Variants in NCOA3 observed in about 807,000 individuals in gnomAD.
NCOA3 encodes nuclear receptor coactivator 3.
NCOA3 carries 51 observed loss-of-function variants against 158.8 expected under a neutral mutation model. The observed-to-expected ratio is 0.32, with a 90% CI of 0.26 to 0.41. The LOEUF is 0.41. NCOA3 is among the 10% of genes least tolerant of loss of function. The pLI, the probability that NCOA3 is intolerant of heterozygous loss-of-function variation, is 1.00. For missense variants in NCOA3, 1,510 were observed against 1,746.6 expected, an observed-to-expected ratio of 0.86 and a Z score of 2.41; for synonymous variants, 537 against 592.4, an observed-to-expected ratio of 0.91 and a Z score of 1.36.
At chr20:47,647,914 G>GTTTTT (rs1445300112) in intron 18 of NCOA3, among the ~76,000 whole-genome samples, 16 of 126,032 alleles carry the variant, frequency 1.3e-4, no homozygotes, top group East Asian at 6.7e-4. Flanking sequence ...TGTTTGTTTT[G>GTTTTT]TTTTGTTTTT....
At chr20:47,557,505 G>A (rs1410889961) in intron 1 of NCOA3, among the ~76,000 whole-genome samples, 1 of 152,188 alleles carries the variant, frequency 6.6e-6, no homozygotes, top group African/African-American at 2.4e-5. Flanking sequence ...CCACCTGTCT[G>A]ATTCCAAAGT....
intron 1 of NCOA3, among the ~76,000 whole-genome samples, chr20:47,575,440 C>T (rs1045963967): frequency 6.6e-6 from 1 of 152,086 alleles, no homozygotes; most frequent in Non-Finnish European, 1.5e-5. Context: ...GGAATTGTTA[C>T]TAGAAAATTA....
At chr20:47,505,629 C>T (rs1187837375) in intron 1 of NCOA3, among the ~76,000 whole-genome samples, 1 of 151,994 alleles carries the variant, frequency 6.6e-6, no homozygotes, top group Non-Finnish European at 1.5e-5. Context: ...TTTTGCATTA[C>T]TGAGCGGTTA....
At position 47,651,002 on chromosome 20, in the gene NCOA3, A is replaced by G. The variant is rs1382796968; in HGVS notation, c.3672A>G (p.Gln1224=). The change falls in exon 20 of 23, where the codon CAA becomes CAG. Residue 1224 remains glutamine (Q), a synonymous_variant. Transcript: ENST00000371998. ...VSSQQGFLNA[Q]MVAQRSRELL... The stretch of plus-strand genomic sequence containing the variant: ...ATTAGCAGGGTTTTCTTAATGCTCA[A>G]ATGGTCGCCCAACGCAGCAGAGAGC... 4.3e-6 allele frequency: 7 copies of G among 1,613,866 alleles called. No individual in the cohort carries two copies. Among genetic ancestry groups the G allele is most frequent in the African/African-American group, 1.3e-5 (1 of 74,994 alleles).
chr20:47,572,156 G>A (rs2085304535), intron 1 of NCOA3, among the ~76,000 whole-genome samples: 1 of 152,134 alleles, frequency 6.6e-6, no homozygotes, highest in Non-Finnish European at 1.5e-5. Flanking sequence ...GTCTTGCTTT[G>A]GCTTATGGAA....
intron 8 of NCOA3, among the ~76,000 whole-genome samples, chr20:47,632,991 T>C (rs2086447446): frequency 6.6e-6 from 1 of 152,136 alleles, no homozygotes; most frequent in South Asian, 2.1e-4. Flanking sequence ...AAGAGTTTTT[T>C]ATAGAATTTA....
At chr20:47,544,511 T>A (rs933860473) in intron 1 of NCOA3, among the ~76,000 whole-genome samples, 1 of 151,976 alleles carries the variant, frequency 6.6e-6, no homozygotes, top group Non-Finnish European at 1.5e-5. Flanking sequence ...TTATGAAGTT[T>A]GTATTTTGTT....
At chr20:47,538,217 C>A (rs1250856432) in intron 1 of NCOA3, among the ~76,000 whole-genome samples, 1 of 152,154 alleles carries the variant, frequency 6.6e-6, no homozygotes, top group South Asian at 2.1e-4. Flanking sequence ...GGGAAAAAAA[C>A]CCAAGATGAT....
intron 2 of NCOA3, among the ~76,000 whole-genome samples, chr20:47,604,102 C>G (rs1048372881): frequency 6.6e-6 from 1 of 151,470 alleles, no homozygotes. Context: ...GGCCAAATTC[C>G]ATTTTTCTTA....
chr20:47,633,916 G>A lies in NCOA3; in HGVS notation c.965-132G>A, dbSNP rs1196971030. The A allele has an allele frequency of 8.3e-6, 10 of 1,204,682 alleles. No individual in the cohort carries two copies. In the East Asian group the frequency reaches 2.4e-4, roughly 28 times the overall value. 74.6% of individuals were successfully genotyped at this position (1,204,682 alleles called of 1,614,324 possible). ...AGTGTTCTTATTTTACCCTGTTGAT[G>A]ATTTTGGTGCAGATCCAGTCTTTCC... On this transcript the variant is annotated intron_variant, in intron 9 of 22. Transcript: ENST00000371998.
At chr20:47,572,907 CA>C (rs2085316398) in intron 1 of NCOA3, among the ~76,000 whole-genome samples, 1 of 152,068 alleles carries the variant, frequency 6.6e-6, no homozygotes, top group Non-Finnish European at 1.5e-5. Context: ...ACTTAGAGAC[CA>C]CTATAGGGTT....
At chr20:47,650,957 A>G (rs1263226179) in intron 19 of NCOA3, 25 bp from the exon 20 acceptor site, 2 of 1,606,908 alleles carry the variant, frequency 1.2e-6, no homozygotes, top group Admixed American at 1.7e-5. Flanking sequence ...ATATATATGT[A>G]ATTGCACTCT....
rs777591313 is a variant in NCOA3 at position 47,648,986 on chromosome 20, C to T, written c.3547-19C>T. The T allele has an allele frequency of 9.7e-6, 15 of 1,552,330 alleles. No individual in the cohort carries two copies. The highest frequency in any genetic ancestry group is 7.9e-5 in the South Asian group (7 of 88,822). On this transcript the variant is annotated intron_variant, in intron 18 of 22. Coordinates refer to ENST00000371998, the MANE Select transcript of NCOA3 (RefSeq NM_181659.3). Reference sequence around the variant, plus strand: ...CTGACGTGCTCTGCTTGCATTCTAACCAACTTGTCTCACCTCAGTTTTTGA... The same window carrying T: ...CTGACGTGCTCTGCTTGCATTCTAATCAACTTGTCTCACCTCAGTTTTTGA...
intron 1 of NCOA3, among the ~76,000 whole-genome samples, chr20:47,511,254 T>TC (rs1309256569): frequency 1.4e-5 from 2 of 146,592 alleles, no homozygotes; most frequent in East Asian, 2.0e-4. Flanking sequence ...TTTCTTTCTT[T>TC]TTTTTTTTTT....
chr20:47,624,078 A>G lies in NCOA3; in HGVS notation c.251A>G (p.Glu84Gly), dbSNP rs1036108482. ...ETVRQIRQIK[E>G]QGKTISNDDD... ...GTAAGACAGATACGTCAAATAAAAG[A>G]GCAAGGTAATAAAAACACTCATGTC... The change falls in exon 4 of 23, where the codon GAG becomes GGG. Residue 84 changes from glutamate to glycine, a missense_variant. This residue lies in a region of NCOA3 where 309 missense variants were observed against 427.1 expected (regional missense o/e 0.72). Transcript: ENST00000371998. 2 of 1,601,604 alleles carry G rather than the reference A, an allele frequency of 1.2e-6. No homozygotes were observed. Among genetic ancestry groups the G allele is most frequent in the African/African-American group, 1.3e-5 (1 of 74,176 alleles).
At chr20:47,641,738 G>A (rs1346038073) in intron 16 of NCOA3, among the ~76,000 whole-genome samples, 1 of 151,484 alleles carries the variant, frequency 6.6e-6, no homozygotes, top group East Asian at 1.9e-4. Context: ...CTCGTGATCC[G>A]CCCGCCTCGG....
chr20:47,604,927 C>T (rs111452924), intron 2 of NCOA3, among the ~76,000 whole-genome samples: 9,719 of 151,974 alleles, frequency 0.064, 472 homozygotes, highest in Middle Eastern at 0.17. Context: ...AGTGCAGTGG[C>T]GAGATCTCGG....
In NCOA3 at chr20:47,653,724, T is replaced by C; in HGVS notation, c.*307T>C. The stretch of plus-strand genomic sequence containing the variant: ...GGAGTGTTACTGATCATAAAACTTT[T>C]GTGTCACTTTTTTCTGCCTTGCTAG... On this transcript the variant is annotated 3_prime_UTR_variant, in exon 23 of 23. Transcript: ENST00000371998. The C allele has an allele frequency of 2.6e-6, 1 of 387,400 alleles. No individual in the cohort carries two copies. Among genetic ancestry groups the C allele is most frequent in the Admixed American group, 4.1e-5 (1 of 24,184 alleles). The allele number at this position is 387,400 out of a possible 1,614,324, so 24.0% of individuals were successfully genotyped here. A position where few individuals can be genotyped will look rare whatever the true frequency, so the allele number is the denominator to read the frequency against.
intron 1 of NCOA3, among the ~76,000 whole-genome samples, chr20:47,535,984 C>T (rs1281723280): frequency 6.6e-6 from 1 of 152,062 alleles, no homozygotes; most frequent in African/African-American, 2.4e-5. Flanking sequence ...CTGGCTGGCG[C>T]TGCTGGTGTC....
Sources: allele counts gnomAD v4.1 joint callset (sites outside exome capture counted in the v4.1 genomes callset), GRCh38; gene constraint gnomAD v4.1.1; regional missense constraint gnomAD v4.1.1; transcripts MANE v1.5; gene names NCBI Gene and HGNC (gene_info 2026-07-23, HGNC 2026-07-21).